Variants in NRG3 observed in about 807,000 individuals in gnomAD.
The protein encoded by NRG3 is pro-neuregulin-3, membrane-bound isoform.
NRG3 carries 31 observed loss-of-function variants against 66.9 expected under a neutral mutation model. The observed-to-expected ratio is 0.46, with a 90% CI of 0.35 to 0.63. The LOEUF is 0.63. NRG3 is among the 20% of genes least tolerant of loss of function. NRG3 has a pLI of 0.00. For missense variants in NRG3, 910 were observed against 878.9 expected (o/e 1.04, Z -0.45); for synonymous variants, 393 against 359.4 (o/e 1.09, Z -1.06).
At chr10:82,899,513 T>TTC (rs1844001997) in intron 4 of NRG3, among the ~76,000 whole-genome samples, 1 of 152,232 alleles carries the variant, frequency 6.6e-6, no homozygotes, top group Non-Finnish European at 1.5e-5. Context: ...TAGTATTTTT[T>TTC]TCTCTGTGTT....
intron 2 of NRG3, among the ~76,000 whole-genome samples, chr10:82,601,123 T>C (rs2047600117): frequency 6.6e-6 from 1 of 152,190 alleles, no homozygotes; most frequent in African/African-American, 2.4e-5. Context: ...AAGATATGAT[T>C]TTATTCTTTT....
At chr10:82,356,687 G>A (rs1351765567) in intron 1 of NRG3, among the ~76,000 whole-genome samples, 2 of 152,182 alleles carry the variant, frequency 1.3e-5, no homozygotes, top group South Asian at 2.1e-4. Context: ...TTCAGTGCTC[G>A]TGGAATATGA....
At chr10:82,483,649 T>C (rs1842461923) in intron 2 of NRG3, among the ~76,000 whole-genome samples, 1 of 152,170 alleles carries the variant, frequency 6.6e-6, no homozygotes, top group South Asian at 2.1e-4. Context: ...TATTCCCCTT[T>C]TAAAAAGGTT....
At chr10:82,636,166 T>C (rs1014501218) in intron 2 of NRG3, among the ~76,000 whole-genome samples, 1 of 152,072 alleles carries the variant, frequency 6.6e-6, no homozygotes, top group Non-Finnish European at 1.5e-5. Flanking sequence ...TGTATGAGAC[T>C]GGAATTATAG....
chr10:82,266,337 T>C (rs2078292400), intron 1 of NRG3, among the ~76,000 whole-genome samples: 1 of 152,010 alleles, frequency 6.6e-6, no homozygotes, highest in Non-Finnish European at 1.5e-5. Flanking sequence ...AGTTGGAGAA[T>C]GCGGGTGGTT....
intron 2 of NRG3, among the ~76,000 whole-genome samples, chr10:82,465,531 C>A (rs940455832): frequency 4.6e-5 from 7 of 152,250 alleles, no homozygotes; most frequent in Admixed American, 4.6e-4. Context: ...CGGCTGTGTA[C>A]CTGGGTTACT....
intron 1 of NRG3, among the ~76,000 whole-genome samples, chr10:82,051,612 G>T (rs939747000): frequency 5.9e-5 from 9 of 152,122 alleles, no homozygotes; most frequent in African/African-American, 1.7e-4. Context: ...TACTTGAAAA[G>T]AATTATTTCA....
chr10:82,529,404 G>A (rs1008020506), intron 2 of NRG3, among the ~76,000 whole-genome samples: 50 of 152,310 alleles, frequency 3.3e-4, no homozygotes, highest in Non-Finnish European at 5.6e-4. Flanking sequence ...TGTAGAATAT[G>A]TGAGGGTAAT....
At chr10:82,726,103 A>G (rs2057582367) in intron 2 of NRG3, among the ~76,000 whole-genome samples, 2 of 152,218 alleles carry the variant, frequency 1.3e-5, no homozygotes, top group South Asian at 4.1e-4. Context: ...GAGAGCCCTC[A>G]TCAAAACCCA....
At chr10:82,942,626 T>C (rs1375774277) in intron 4 of NRG3, among the ~76,000 whole-genome samples, 2 of 152,218 alleles carry the variant, frequency 1.3e-5, no homozygotes, top group African/African-American at 2.4e-5. Flanking sequence ...GAGAATCTTT[T>C]TGGCAGGCAG....
intron 1 of NRG3, among the ~76,000 whole-genome samples, chr10:82,305,537 T>C (rs942928200): frequency 2.3e-4 from 35 of 152,176 alleles, no homozygotes; most frequent in Non-Finnish European, 4.0e-4. Context: ...AATAAAATAT[T>C]GAATTTCCAT....
intron 1 of NRG3, among the ~76,000 whole-genome samples, chr10:82,087,505 A>G (rs2133474884): frequency 6.6e-6 from 1 of 152,158 alleles, no homozygotes; most frequent in East Asian, 1.9e-4. Flanking sequence ...TCTATTTTAT[A>G]GTTACAGTCC....
intron 1 of NRG3, among the ~76,000 whole-genome samples, chr10:81,898,725 A>C (rs1843750588): frequency 6.6e-6 from 1 of 152,158 alleles, no homozygotes; most frequent in African/African-American, 2.4e-5. Flanking sequence ...ACAAGGGAGA[A>C]ATACTTGAAA....
At chr10:82,718,512 A>G (rs2057109488) in intron 2 of NRG3, among the ~76,000 whole-genome samples, 1 of 152,200 alleles carries the variant, frequency 6.6e-6, no homozygotes, top group Admixed American at 6.5e-5. Context: ...TCAATTTTTG[A>G]CAATGAAAAC....
At chr10:82,070,737 A>T (rs2064760271) in intron 1 of NRG3, among the ~76,000 whole-genome samples, 1 of 152,216 alleles carries the variant, frequency 6.6e-6, no homozygotes, top group Admixed American at 6.5e-5. Flanking sequence ...ACCAAGAAAC[A>T]TTTAAAAACA....
intron 2 of NRG3, among the ~76,000 whole-genome samples, chr10:82,361,991 A>C (rs1004476372): frequency 2.7e-5 from 4 of 148,894 alleles, no homozygotes; most frequent in African/African-American, 9.8e-5. Context: ...AAAATAGACC[A>C]TGCTCTGACA....
chr10:82,855,623 C>G (rs2063765008), intron 3 of NRG3, among the ~76,000 whole-genome samples: 1 of 152,066 alleles, frequency 6.6e-6, no homozygotes, highest in South Asian at 2.1e-4. Flanking sequence ...GTCTCAAACT[C>G]CTGAGCTCAA....
At chr10:82,913,380 T>A (rs1845519073) in intron 4 of NRG3, among the ~76,000 whole-genome samples, 1 of 152,206 alleles carries the variant, frequency 6.6e-6, no homozygotes, top group African/African-American at 2.4e-5. Context: ...CCTTTATTTA[T>A]TTTTTTCTGT....
At chr10:81,877,661 A>C in intron 1 of NRG3, 5 of 1,252,806 alleles carry the variant, frequency 4.0e-6, no homozygotes, top group Non-Finnish European at 5.0e-6. Flanking sequence ...CTTTGGAAAA[A>C]ACCGTCTAGA....
Sources: gnomAD v4.1 joint callset for allele counts (sites outside exome capture counted in the v4.1 genomes callset) on GRCh38, gnomAD v4.1.1 for gene constraint, MANE v1.5 for transcripts, NCBI Gene and HGNC (gene_info 2026-07-23, HGNC 2026-07-21) for gene names.